WWOX: variants seen among roughly 807,000 people sequenced by gnomAD.
WWOX encodes the protein WW domain containing oxidoreductase.
WWOX carries 69 observed loss-of-function variants against 46.2 expected under a neutral mutation model. The observed-to-expected ratio is 1.49, with a 90% CI of 1.23 to 1.82. The LOEUF (loss-of-function observed/expected upper bound fraction) is 1.82, where lower values mean the gene tolerates loss of function less well. Among genes scored for constraint, WWOX ranks in the 40% most tolerant of loss-of-function variants. The pLI is 0.00. For missense variants in WWOX, 919 were observed against 542.6 expected (o/e 1.69, Z -6.89); for synonymous variants, 359 against 202.6 (o/e 1.77, Z -6.56).
At chr16:78,326,685 G>T (rs998127832) in intron 5 of WWOX, among the ~76,000 whole-genome samples, 1 of 149,398 alleles carries the variant, frequency 6.7e-6, no homozygotes, top group Non-Finnish European at 1.5e-5. Flanking sequence ...TATAATTTTT[G>T]TTTTTATCAT....
intron 8 of WWOX, among the ~76,000 whole-genome samples, chr16:78,911,194 G>A (rs1213519601): frequency 6.6e-6 from 1 of 151,826 alleles, no homozygotes; most frequent in East Asian, 1.9e-4. Flanking sequence ...CCACTTTCCA[G>A]TTATCAAAAA....
chr16:78,474,628 A>G (rs2084312643), intron 8 of WWOX, among the ~76,000 whole-genome samples: 2 of 152,040 alleles, frequency 1.3e-5, no homozygotes, highest in South Asian at 2.1e-4. Context: ...TTTAAAGTGT[A>G]CAATTCAATG....
intron 5 of WWOX, among the ~76,000 whole-genome samples, chr16:78,296,085 T>C (rs1191764123): frequency 1.3e-5 from 2 of 152,238 alleles, no homozygotes; most frequent in Non-Finnish European, 2.9e-5. Flanking sequence ...CTGTCATTGC[T>C]TTAAAACTAG....
chr16:78,864,876 C>A (rs186663252), intron 8 of WWOX, among the ~76,000 whole-genome samples: 1 of 145,704 alleles, frequency 6.9e-6, no homozygotes, highest in Admixed American at 7.3e-5. Context: ...GATTCTCCTG[C>A]TTCAGCCCCC....
chr16:78,378,275 C>A (rs1356255867), intron 5 of WWOX, among the ~76,000 whole-genome samples: 1 of 152,096 alleles, frequency 6.6e-6, no homozygotes, highest in Non-Finnish European at 1.5e-5. Context: ...CTCTCAAACT[C>A]CCCTTTCCTG....
At chr16:78,452,507 T>C (rs12050914) in intron 8 of WWOX, among the ~76,000 whole-genome samples, 9,626 of 147,708 alleles carry the variant, frequency 0.065, 401 homozygotes, top group East Asian at 0.19. Context: ...GACGGAGTCT[T>C]ATTCTGTTGC....
chr16:78,825,480 G>T, intron 8 of WWOX: 1 of 449,642 alleles, frequency 2.2e-6, no homozygotes. Context: ...AGGGATTCTG[G>T]AATTGACTGC....
chr16:78,616,528 G>A (rs770782125), intron 8 of WWOX, among the ~76,000 whole-genome samples: 6 of 151,766 alleles, frequency 4.0e-5, no homozygotes, highest in Middle Eastern at 3.4e-3. Flanking sequence ...TTGGGAGGCC[G>A]AGGCAGGTGT....
rs761029129 is a variant in WWOX, at chr16:78,337,805, C to T, written c.517-49055C>T. 8.8e-5 allele frequency among the ~76,000 whole-genome samples: 5 copies of T among 56,918 alleles called. 1 individual carries two copies. The highest frequency in any genetic ancestry group is 2.5e-4 in the African/African-American group (5 of 19,632). The allele number at this position is 56,918 out of a possible 152,430, so 37.3% of individuals were successfully genotyped here. On this transcript the variant is annotated intron_variant, in intron 5 of 8. Transcript: ENST00000566780. ...TAATTGAATCTTGAAGCTAGAGTTTCTTGGCTATCCTATTTCCCTTTTGTT... is the reference window on the plus strand; with the variant it reads ...TAATTGAATCTTGAAGCTAGAGTTTTTTGGCTATCCTATTTCCCTTTTGTT...
rs920291480 is a variant in WWOX, at chr16:78,348,034, C to G, written c.517-38826C>G. On this transcript the variant is annotated intron_variant, in intron 5 of 8. Coordinates refer to ENST00000566780, the MANE Select transcript of WWOX (RefSeq NM_016373.4). ...ATAAAACTTTCTCTTTAAAAATATA[C>G]CTTTCTGCTTCCATCCCCTAACCCA... Among the ~76,000 whole-genome samples, 2 of 122,448 alleles carry G rather than the reference C, an allele frequency of 1.6e-5. 1 individual carries two copies. Among genetic ancestry groups the G allele is most frequent in the Non-Finnish European group, 3.9e-5 (2 of 51,092 alleles). The allele number at this position is 122,448 out of a possible 152,430, so 80.3% of individuals were successfully genotyped here.
At chr16:78,778,439 T>A (rs1440131718) in intron 8 of WWOX, among the ~76,000 whole-genome samples, 7 of 152,206 alleles carry the variant, frequency 4.6e-5, no homozygotes, top group Non-Finnish European at 1.0e-4. Flanking sequence ...TCAGTATGAT[T>A]GATGCATGTG....
intron 8 of WWOX, among the ~76,000 whole-genome samples, chr16:78,838,377 G>C (rs1332938190): frequency 6.6e-6 from 1 of 152,092 alleles, no homozygotes; most frequent in Non-Finnish European, 1.5e-5. Flanking sequence ...GATTCTTAGA[G>C]AACTAAAGAC....
chr16:78,750,706 C>T (rs1333540147), intron 8 of WWOX, among the ~76,000 whole-genome samples: 2 of 152,062 alleles, frequency 1.3e-5, no homozygotes, highest in Non-Finnish European at 2.9e-5. Context: ...CATGTGTACG[C>T]AGTGTTGAGC....
At chr16:78,654,919 C>G (rs1489354438) in intron 8 of WWOX, among the ~76,000 whole-genome samples, 1 of 151,912 alleles carries the variant, frequency 6.6e-6, no homozygotes, top group Non-Finnish European at 1.5e-5. Flanking sequence ...GCATGAGTAT[C>G]TTGATAATTT....
intron 5 of WWOX, among the ~76,000 whole-genome samples, chr16:78,189,040 G>A (rs1437509249): frequency 6.6e-6 from 1 of 152,162 alleles, no homozygotes; most frequent in Non-Finnish European, 1.5e-5. Flanking sequence ...TCATGCCTGA[G>A]GCCCAACCTT....
At chr16:78,897,657 T>G (rs2044733861) in intron 8 of WWOX, 1 of 152,182 alleles carries the variant, frequency 6.6e-6, no homozygotes, top group African/African-American at 2.4e-5. Context: ...TATACATGTT[T>G]TTATGCCCTT....
intron 8 of WWOX, among the ~76,000 whole-genome samples, chr16:78,986,143 C>T (rs1198921295): frequency 6.6e-6 from 1 of 152,236 alleles, no homozygotes. Context: ...ACATACATTC[C>T]TGGTTCTGTC....
At chr16:78,135,359 T>C (rs920291170) in intron 4 of WWOX, among the ~76,000 whole-genome samples, 2 of 152,236 alleles carry the variant, frequency 1.3e-5, no homozygotes, top group African/African-American at 4.8e-5. Flanking sequence ...TTTAGTTTCC[T>C]TGAATGTCTA....
chr16:78,586,594 A>T (rs765883123), intron 8 of WWOX, among the ~76,000 whole-genome samples: 9 of 152,238 alleles, frequency 5.9e-5, no homozygotes, highest in African/African-American at 2.2e-4. Flanking sequence ...GACTCAGATT[A>T]AGAAACTTGC....
Sources: allele counts gnomAD v4.1 joint callset (sites outside exome capture counted in the v4.1 genomes callset), GRCh38; gene constraint gnomAD v4.1.1; transcripts MANE v1.5; gene names NCBI Gene and HGNC (gene_info 2026-07-23, HGNC 2026-07-21).